Variants in RFX3 observed in about 807,000 individuals in gnomAD.
The protein encoded by RFX3 is regulatory factor X3, also known as transcription factor RFX3.
RFX3 carries 14 observed loss-of-function variants against 98.6 expected under a neutral mutation model. The observed-to-expected ratio is 0.14, with a 90% CI of 0.09 to 0.22. The LOEUF is 0.22. RFX3 is among the 10% of genes least tolerant of loss of function. RFX3 has a pLI of 1.00. For synonymous variants in RFX3, 383 were observed against 328.4 expected, an observed-to-expected ratio of 1.17 and a Z score of -1.80; for missense variants, 639 against 926.9, an observed-to-expected ratio of 0.69 and a Z score of 4.03.
chr9:3,359,649 CACTATATTTAATAATTATTCAATAACAA>C (rs1437271207), intron 2 of RFX3, among the ~76,000 whole-genome samples: 3 of 152,080 alleles, frequency 2.0e-5, no homozygotes, highest in Non-Finnish European at 4.4e-5. Context: ...GGGGAAAACA[CACTATATTTAATAATTATTCAATAACAA>C]ACAATGCCCA....
intron 4 of RFX3, among the ~76,000 whole-genome samples, chr9:3,314,940 C>T (rs1306232979): frequency 6.6e-6 from 1 of 152,068 alleles, no homozygotes. Flanking sequence ...CTTTAGCACC[C>T]CACTGTCAAC....
At chr9:3,395,726 C>T in intron 1 of RFX3, 130 bp from the exon 2 acceptor site, 3 of 858,992 alleles carry the variant, frequency 3.5e-6, no homozygotes, top group Non-Finnish European at 5.4e-6. Flanking sequence ...CAACATACTA[C>T]CATGACAGTC....
intron 3 of RFX3, among the ~76,000 whole-genome samples, chr9:3,336,548 G>A (rs1587143825): frequency 6.6e-6 from 1 of 152,032 alleles, no homozygotes; most frequent in South Asian, 2.1e-4. Context: ...TGGAAAACAA[G>A]AAGAATAAAA....
chr9:3,247,719 CT>C, intron 15 of RFX3: 1 of 1,521,202 alleles, frequency 6.6e-7, no homozygotes, highest in Non-Finnish European at 8.8e-7. Flanking sequence ...GAGCACCAAT[CT>C]TTTTCCCACT....
intron 3 of RFX3, among the ~76,000 whole-genome samples, chr9:3,333,121 C>T (rs13296552): frequency 6.6e-6 from 1 of 152,028 alleles, no homozygotes; most frequent in Non-Finnish European, 1.5e-5. Flanking sequence ...ACTAATCAGT[C>T]AGCAAATAAA....
chr9:3,508,166 A>C (rs1342016345), intron 1 of RFX3, among the ~76,000 whole-genome samples: 3 of 151,958 alleles, frequency 2.0e-5, no homozygotes, highest in African/African-American at 7.2e-5. Context: ...GTTAAGTAAA[A>C]ATGATTCATA....
chr9:3,496,442 AATTTT>A (rs1735996399), intron 1 of RFX3, among the ~76,000 whole-genome samples: 1 of 151,956 alleles, frequency 6.6e-6, no homozygotes, highest in Non-Finnish European at 1.5e-5. Flanking sequence ...CTTTGAAAAC[AATTTT>A]GTTTCTGATT....
At chr9:3,309,075 C>T (rs1373142825) in intron 4 of RFX3, among the ~76,000 whole-genome samples, 2 of 152,114 alleles carry the variant, frequency 1.3e-5, no homozygotes, top group Non-Finnish European at 2.9e-5. Flanking sequence ...AATCACCTGG[C>T]CTTTGTTCTT....
At chr9:3,261,200 T>C (rs1822844051) in intron 13 of RFX3, among the ~76,000 whole-genome samples, 1 of 152,076 alleles carries the variant, frequency 6.6e-6, no homozygotes, top group Admixed American at 6.6e-5. Context: ...AGGTTTCTTT[T>C]AGGATATTCA....
rs182377237 is a variant in RFX3, at chr9:3,353,598, G to C, written c.118-6834C>G. ...AGAAGGAGTAAAGCCTTAGTAGTAG[G>C]GCTGTACTAGCTCTAGAGTAAAGAC... On this transcript the variant is annotated intron_variant, in intron 2 of 16. Transcript: ENST00000617270. Among the ~76,000 whole-genome samples, 1,006 of 152,004 alleles carry C rather than the reference G, an allele frequency of 6.6e-3. 5 individuals are homozygous for C. The highest frequency in any genetic ancestry group is 0.011 in the Non-Finnish European group (742 of 67,948).
intron 1 of RFX3, among the ~76,000 whole-genome samples, chr9:3,512,831 T>A (rs978360546): frequency 6.6e-6 from 1 of 152,062 alleles, no homozygotes; most frequent in African/African-American, 2.4e-5. Context: ...AATTTTTCCA[T>A]CTTATTTTTA....
At chr9:3,472,723 A>T (rs1302002753) in intron 1 of RFX3, among the ~76,000 whole-genome samples, 1 of 152,208 alleles carries the variant, frequency 6.6e-6, no homozygotes, top group Non-Finnish European at 1.5e-5. Flanking sequence ...GAAATGATTG[A>T]GTTACTGTGT....
In RFX3 at chr9:3,386,204, A is replaced by T. The variant is rs569914799; in HGVS notation, c.117+9268T>A. On this transcript the variant is annotated intron_variant, in intron 2 of 16. Transcript: ENST00000617270. ...GAGGATAAGTTACTTGAAAGTGAGA[A>T]CAAAGAGAAAGTGGCCAAAAGCCAA... Among the ~76,000 whole-genome samples, 15 of 152,314 alleles carry T rather than the reference A, an allele frequency of 9.8e-5. No individual in the cohort carries two copies. The Middle Eastern group carries it at 0.01, about 104-fold the overall frequency.
intron 15 of RFX3, among the ~76,000 whole-genome samples, chr9:3,233,895 CATT>C (rs746793654): frequency 5.3e-5 from 8 of 152,164 alleles, no homozygotes; most frequent in Non-Finnish European, 8.8e-5. Flanking sequence ...TAAATATCAT[CATT>C]ATCTCCCAAG....
chr9:3,244,982 G>T (rs1820456752), intron 15 of RFX3, among the ~76,000 whole-genome samples: 1 of 152,190 alleles, frequency 6.6e-6, no homozygotes, highest in African/African-American at 2.4e-5. Context: ...GAAGTCTAGA[G>T]TTCAACACAA....
At chr9:3,270,831 C>T in intron 10 of RFX3, 172 bp downstream of exon 10, 1 of 876,000 alleles carries the variant, frequency 1.1e-6, no homozygotes, top group Non-Finnish European at 1.8e-6. Context: ...TATATACACA[C>T]ACTGAAACCT....
At chr9:3,269,816 G>A (rs141982984) in intron 11 of RFX3, among the ~76,000 whole-genome samples, 1 of 152,108 alleles carries the variant, frequency 6.6e-6, no homozygotes, top group Non-Finnish European at 1.5e-5. Flanking sequence ...AGGTGACAAA[G>A]TAAATGCTTT....
chr9:3,247,690 C>T (rs675234), intron 15 of RFX3: 1,475,761 of 1,490,282 alleles, frequency 0.99, 730,965 homozygotes, highest in East Asian at 1. Flanking sequence ...ATTGTATTCC[C>T]AGCCCTTTGC....
At chr9:3,289,396 C>T (rs754954351) in intron 6 of RFX3, among the ~76,000 whole-genome samples, 17 of 151,970 alleles carry the variant, frequency 1.1e-4, no homozygotes, top group African/African-American at 1.9e-4. Context: ...ACTTAACGCC[C>T]GTAAAGAAAG....
Sources: gnomAD v4.1 joint callset for allele counts (sites outside exome capture counted in the v4.1 genomes callset) on GRCh38, gnomAD v4.1.1 for gene constraint, MANE v1.5 for transcripts, NCBI Gene and HGNC (gene_info 2026-07-23, HGNC 2026-07-21) for gene names.